MAP2K4: variants seen among roughly 807,000 people sequenced by gnomAD.
The protein encoded by MAP2K4 is dual specificity mitogen-activated protein kinase kinase 4.
MAP2K4 carries 4 observed loss-of-function variants against 48.5 expected under a neutral mutation model. The ratio of observed to expected loss-of-function variants is 0.08; its 90% CI spans 0.04 to 0.19. The LOEUF (loss-of-function observed/expected upper bound fraction) is 0.19. MAP2K4 is among the 10% of genes least tolerant of loss of function. The probability of loss-of-function intolerance (pLI) is 1.00; values close to 1 mark genes in which losing one functional copy is unlikely to be tolerated. For synonymous variants in MAP2K4, 166 were observed against 173.1 expected, an observed-to-expected ratio of 0.96 and a Z score of 0.32; for missense variants, 258 against 493.3, an observed-to-expected ratio of 0.52 and a Z score of 4.52.
At chr17:12,134,088 A>T (rs1395974933) in intron 9 of MAP2K4, among the ~76,000 whole-genome samples, 1 of 152,250 alleles carries the variant, frequency 6.6e-6, no homozygotes, top group African/African-American at 2.4e-5. Flanking sequence ...TGCAAAAATT[A>T]AATCCCTATA....
Position 12,143,489 on chromosome 17 carries a change from C to G in MAP2K4, c.*2229C>G, listed in dbSNP as rs975519554. The stretch of plus-strand genomic sequence containing the variant: ...CATTGTGAGCTCTGGTTATTTTTCT[C>G]TTGTACCATAGAAAAATGTATAAAA... On this transcript the variant is annotated 3_prime_UTR_variant, in exon 11 of 11. Transcript: ENST00000353533. The G allele has an allele frequency of 4.3e-6, 1 of 232,014 alleles. No homozygotes were observed. Among genetic ancestry groups the G allele is most frequent in the Non-Finnish European group, 8.5e-6 (1 of 117,122 alleles). The allele number at this position is 232,014 out of a possible 1,614,324, so 14.4% of individuals were successfully genotyped here. A position where few individuals can be genotyped will look rare whatever the true frequency, so the allele number is the denominator to read the frequency against.
intron 5 of MAP2K4, among the ~76,000 whole-genome samples, chr17:12,108,934 C>G (rs1972216542): frequency 6.6e-6 from 1 of 151,940 alleles, no homozygotes; most frequent in Non-Finnish European, 1.5e-5. Flanking sequence ...AGCCATCTCT[C>G]TCTAATATAT....
intron 3 of MAP2K4, among the ~76,000 whole-genome samples, chr17:12,085,166 C>T (rs941033919): frequency 4.6e-5 from 7 of 151,756 alleles, no homozygotes; most frequent in Admixed American, 3.9e-4. Flanking sequence ...AGAATATGTG[C>T]GAAAAACCAA....
intron 3 of MAP2K4, among the ~76,000 whole-genome samples, chr17:12,082,624 AGT>A (rs1358449872): frequency 1.3e-5 from 2 of 152,240 alleles, no homozygotes; most frequent in Non-Finnish European, 2.9e-5. Flanking sequence ...TAACTATTTT[AGT>A]ATCCTTCACT....
In MAP2K4 at chr17:12,122,683, A is replaced by G. The variant is rs1972730202; in HGVS notation, c.814-2611A>G. On this transcript the variant is annotated intron_variant, in intron 7 of 10. Coordinates refer to ENST00000353533, the MANE Select transcript of MAP2K4 (RefSeq NM_003010.4). ...TCCAGTAGAATCCTGAATAGTAATAATAATAGTAGGCATATTTGCCTTATG... is the reference window on the plus strand; with the variant it reads ...TCCAGTAGAATCCTGAATAGTAATAGTAATAGTAGGCATATTTGCCTTATG... Among the ~76,000 whole-genome samples the G allele has an allele frequency of 2.0e-5, 3 of 152,178 alleles. No individual in the cohort carries two copies. The South Asian group carries it at 6.2e-4, about 31-fold the overall frequency.
intron 2 of MAP2K4, among the ~76,000 whole-genome samples, chr17:12,056,994 G>A (rs1391362854): frequency 6.6e-6 from 1 of 152,062 alleles, no homozygotes; most frequent in Admixed American, 6.6e-5. Context: ...AAGATAAGAT[G>A]AAATAAGCAA....
chr17:12,025,935 CAG>C (rs1335487234), intron 1 of MAP2K4, among the ~76,000 whole-genome samples: 3 of 152,128 alleles, frequency 2.0e-5, no homozygotes, highest in Non-Finnish European at 4.4e-5. Flanking sequence ...CTGATTTGTG[CAG>C]ACAGTGAAGA....
chr17:12,042,079 G>A lies in MAP2K4; in HGVS notation c.116-12810G>A, dbSNP rs952321448. Among the ~76,000 whole-genome samples the A allele has an allele frequency of 1.3e-5, 2 of 149,996 alleles. 1 individual carries two copies. Among genetic ancestry groups the A allele is most frequent in the South Asian group, 4.3e-4 (2 of 4,670 alleles). On this transcript the variant is annotated intron_variant, in intron 1 of 10. Coordinates refer to ENST00000353533, the MANE Select transcript of MAP2K4 (RefSeq NM_003010.4). ...ACCTATAATCCCAGCTACTTGGGAG[G>A]CTGAGGCAGGGGAATTGCTTGAACC...
chr17:12,075,417 A>G (rs1335110790), intron 2 of MAP2K4, among the ~76,000 whole-genome samples: 1 of 152,212 alleles, frequency 6.6e-6, no homozygotes, highest in Admixed American at 6.5e-5. Flanking sequence ...TGAATTTTTT[A>G]AAAATGTAAA....
chr17:12,117,719 GTGTTTA>G (rs1375218916), intron 7 of MAP2K4, among the ~76,000 whole-genome samples: 3 of 152,166 alleles, frequency 2.0e-5, no homozygotes, highest in African/African-American at 7.2e-5. Context: ...TAAAGGGGAA[GTGTTTA>G]TGTTTATAGC....
intron 4 of MAP2K4, among the ~76,000 whole-genome samples, chr17:12,106,706 T>C (rs868132309): frequency 6.6e-6 from 1 of 152,122 alleles, no homozygotes; most frequent in Non-Finnish European, 1.5e-5. Flanking sequence ...TTTTTAAAAA[T>C]CATTTTGATA....
chr17:12,060,083 T>A lies in MAP2K4; in HGVS notation c.218+5092T>A, dbSNP rs573912885. ...GTCCCAGCTACTTGGGAGGCTGAGGTAGAAGGGTCAGTTGAGCCCTGGAGG... is the reference window on the plus strand; with the variant it reads ...GTCCCAGCTACTTGGGAGGCTGAGGAAGAAGGGTCAGTTGAGCCCTGGAGG... On this transcript the variant is annotated intron_variant, in intron 2 of 10. Transcript: ENST00000353533. Among the ~76,000 whole-genome samples the A allele has an allele frequency of 7.3e-5, 11 of 151,624 alleles. No individual in the cohort carries two copies. The East Asian group carries it at 2.1e-3, about 29-fold the overall frequency.
chr17:12,137,698 C>T (rs1973249152), intron 9 of MAP2K4, among the ~76,000 whole-genome samples: 1 of 152,014 alleles, frequency 6.6e-6, no homozygotes, highest in Non-Finnish European at 1.5e-5. Flanking sequence ...TTACAGAGAT[C>T]ATAGGGGAAA....
At chr17:12,065,256 A>G (rs950930193) in intron 2 of MAP2K4, among the ~76,000 whole-genome samples, 1 of 57,022 alleles carries the variant, frequency 1.8e-5, no homozygotes, top group Non-Finnish European at 3.8e-5. Flanking sequence ...ATATATATAC[A>G]TATATTATTA....
intron 1 of MAP2K4, 29 bp from the exon 2 acceptor site, chr17:12,054,860 A>G: frequency 6.8e-7 from 1 of 1,477,916 alleles, no homozygotes; most frequent in East Asian, 2.3e-5. Flanking sequence ...AGTACTTGAA[A>G]CTTTTACTTT....
chr17:12,053,812 A>AT lies in MAP2K4; in HGVS notation c.116-1073dup, dbSNP rs1161238775. ...TCTCCATCCAGTGTGGCTCCGTCAG[A>AT]TTTTCAGATCTCACATTTACAGTTT... On this transcript the variant is annotated intron_variant, in intron 1 of 10. Coordinates refer to ENST00000353533, the MANE Select transcript of MAP2K4 (RefSeq NM_003010.4). 2.6e-5 allele frequency among the ~76,000 whole-genome samples: 4 copies of AT among 152,088 alleles called. No homozygotes were observed. In the East Asian group the frequency reaches 7.7e-4, roughly 29 times the overall value.
intron 1 of MAP2K4, among the ~76,000 whole-genome samples, chr17:12,050,655 T>G (rs1970111137): frequency 6.6e-6 from 1 of 152,180 alleles, no homozygotes; most frequent in African/African-American, 2.4e-5. Flanking sequence ...AACTATATGC[T>G]CAGCTTAGCT....
At chr17:12,088,561 T>C (rs1232720260) in intron 3 of MAP2K4, among the ~76,000 whole-genome samples, 1 of 25,950 alleles carries the variant, frequency 3.9e-5, no homozygotes, top group Non-Finnish European at 7.1e-4. Context: ...ATATATAATA[T>C]ATATTAAATA....
intron 1 of MAP2K4, among the ~76,000 whole-genome samples, chr17:12,037,125 C>T (rs1390585273): frequency 6.6e-6 from 1 of 151,916 alleles, no homozygotes; most frequent in African/African-American, 2.4e-5. Context: ...CTGGATGCTA[C>T]GAATTGAAAT....
Sources: allele counts gnomAD v4.1 joint callset (sites outside exome capture counted in the v4.1 genomes callset), GRCh38; gene constraint gnomAD v4.1.1; transcripts MANE v1.5; gene names NCBI Gene and HGNC (gene_info 2026-07-23, HGNC 2026-07-21).